MCC: variants seen among roughly 807,000 people sequenced by gnomAD.
MCC encodes MCC regulator of Wnt signaling pathway.
MCC carries 90 observed loss-of-function variants against 116.2 expected under a neutral mutation model. The ratio of observed to expected loss-of-function variants is 0.77; its 90% CI spans 0.65 to 0.92. The LOEUF is 0.92. Ranked by LOEUF, MCC falls within the 40% of genes least tolerant of loss-of-function variation. The pLI, the probability that MCC is intolerant of heterozygous loss-of-function variation, is 0.00. For synonymous variants in MCC, 578 were observed against 510.5 expected (o/e 1.13, Z -1.78); for missense variants, 1,516 against 1,312.2 (o/e 1.16, Z -2.40).
chr5:113,471,856 G>C lies in MCC; in HGVS notation c.170+16389C>G, dbSNP rs1223100550. On this transcript the variant is annotated intron_variant, in intron 1 of 18. Coordinates refer to ENST00000408903, the MANE Select transcript of MCC (RefSeq NM_001085377.2). ...TTTTCCTAATCAAACAACTAACTCA[G>C]TAATGGCGGGCGCCCCTCCCCCAGC... Among the ~76,000 whole-genome samples, 8 of 152,150 alleles carry C rather than the reference G, an allele frequency of 5.3e-5. No individual in the cohort carries two copies. In the East Asian group the frequency reaches 1.2e-3, roughly 22 times the overall value.
intron 3 of MCC, among the ~76,000 whole-genome samples, chr5:113,178,325 C>A (rs1009155718): frequency 1.3e-5 from 2 of 152,116 alleles, no homozygotes; most frequent in Non-Finnish European, 2.9e-5. Flanking sequence ...AGCAAGGTGG[C>A]TAGGGGTCAG....
intron 5 of MCC, among the ~76,000 whole-genome samples, chr5:113,127,586 A>G (rs535685462): frequency 6.6e-6 from 1 of 152,038 alleles, no homozygotes; most frequent in East Asian, 1.9e-4. Context: ...TTTGATTTCC[A>G]TTTCTCTAAT....
intron 1 of MCC, among the ~76,000 whole-genome samples, chr5:113,459,586 C>T (rs967095746): frequency 6.6e-6 from 1 of 151,966 alleles, no homozygotes; most frequent in Admixed American, 6.6e-5. Context: ...CTTATTTTGC[C>T]TCTGAACACT....
chr5:113,040,066 C>G (rs1751595769), intron 17 of MCC, among the ~76,000 whole-genome samples: 1 of 150,188 alleles, frequency 6.7e-6, no homozygotes, highest in Non-Finnish European at 1.5e-5. Flanking sequence ...AGACTGGAAA[C>G]CTGGTCATCC....
chr5:113,417,177 C>T (rs1176958425), intron 1 of MCC, among the ~76,000 whole-genome samples: 4 of 152,016 alleles, frequency 2.6e-5, no homozygotes, highest in African/African-American at 7.2e-5. Flanking sequence ...ACCATGTTGG[C>T]CAGGATAGTC....
rs976343660 is a variant in MCC, at chr5:113,057,909, A to T, written c.2214-3950T>A. Among the ~76,000 whole-genome samples the T allele has an allele frequency of 2.6e-5, 4 of 152,364 alleles. No individual in the cohort carries two copies. The South Asian group carries it at 8.3e-4, about 32-fold the overall frequency. Reference sequence around the variant, plus strand: ...GGGTGGAGATGTGCTCACAGCCTCGACATGTTTAGACAGCGTGGCGCTGGC... The same window carrying T: ...GGGTGGAGATGTGCTCACAGCCTCGTCATGTTTAGACAGCGTGGCGCTGGC... On this transcript the variant is annotated intron_variant, in intron 14 of 18. Transcript: ENST00000408903.
intron 1 of MCC, among the ~76,000 whole-genome samples, chr5:113,443,949 A>G (rs983377329): frequency 6.6e-6 from 1 of 151,364 alleles, no homozygotes; most frequent in Non-Finnish European, 1.5e-5. Context: ...CAGCCTCCCA[A>G]GTAGCTGGGA....
intron 2 of MCC, among the ~76,000 whole-genome samples, chr5:113,342,627 G>T (rs1484030120): frequency 6.6e-6 from 1 of 152,230 alleles, no homozygotes; most frequent in Non-Finnish European, 1.5e-5. Flanking sequence ...GGAGGAGAAA[G>T]CCTGATGCTT....
intron 2 of MCC, among the ~76,000 whole-genome samples, chr5:113,372,392 C>G (rs1233121787): frequency 6.6e-6 from 1 of 152,186 alleles, no homozygotes; most frequent in African/African-American, 2.4e-5. Context: ...CACCACAAAA[C>G]AACATACTGA....
At position 113,471,921 on chromosome 5, in the gene MCC, TAGC is replaced by T. The variant is rs370897379; in HGVS notation, c.170+16321_170+16323del. Among the ~76,000 whole-genome samples, 1,294 of 152,074 alleles carry T rather than the reference TAGC, an allele frequency of 8.5e-3. 6 individuals carry two copies. Among genetic ancestry groups the T allele is most frequent in the Non-Finnish European group, 0.013 (867 of 67,978 alleles). On this transcript the variant is annotated intron_variant, in intron 1 of 18. Coordinates refer to ENST00000408903, the MANE Select transcript of MCC (RefSeq NM_001085377.2). ...GCAGTTTGATCTCAGACTGCTGTGG[TAGC>T]AATGAGTGAGACTCCGTGGGCGTGG... is the stretch of plus-strand genomic sequence containing the variant.
intron 3 of MCC, among the ~76,000 whole-genome samples, chr5:113,272,440 T>C (rs1460825457): frequency 1.3e-5 from 2 of 152,356 alleles, no homozygotes; most frequent in South Asian, 2.1e-4. Flanking sequence ...TCTCTTTCCC[T>C]GACAGATCTA....
At chr5:113,259,045 G>A (rs1053764775) in intron 3 of MCC, among the ~76,000 whole-genome samples, 2 of 152,124 alleles carry the variant, frequency 1.3e-5, no homozygotes, top group Non-Finnish European at 2.9e-5. Context: ...GTGTAAAAAT[G>A]TTAAAAGGTG....
At chr5:113,487,744 G>C (rs1215717406) in intron 1 of MCC, among the ~76,000 whole-genome samples, 1 of 152,230 alleles carries the variant, frequency 6.6e-6, no homozygotes, top group Non-Finnish European at 1.5e-5. Context: ...CATGGGTTCT[G>C]CGGCACAAGA....
chr5:113,075,203 C>T (rs747483408), intron 11 of MCC, among the ~76,000 whole-genome samples: 5 of 152,212 alleles, frequency 3.3e-5, no homozygotes, highest in Non-Finnish European at 5.9e-5. Context: ...GAGGGTGCAC[C>T]GGGTACCACA....
At chr5:113,171,569 G>A (rs7710676) in intron 3 of MCC, among the ~76,000 whole-genome samples, 15,479 of 151,972 alleles carry the variant, frequency 0.1, 893 homozygotes, top group African/African-American at 0.14. Context: ...TGCCCAGGCT[G>A]GTCTTGAACT....
rs150489353 is a variant in MCC at position 113,036,982 on chromosome 5, C to G, written c.2756+6548G>C. 5.3e-5 allele frequency among the ~76,000 whole-genome samples: 8 copies of G among 152,338 alleles called. No individual in the cohort carries two copies. The East Asian group carries it at 1.5e-3, about 29-fold the overall frequency. On this transcript the variant is annotated intron_variant, in intron 17 of 18. Coordinates refer to ENST00000408903, the MANE Select transcript of MCC (RefSeq NM_001085377.2). ...ATGTGCTTTTATGGAATTCTAAGCA[C>G]AACTTCCATTGCTTGATTGCTTTTA... is the stretch of plus-strand genomic sequence containing the variant.
At chr5:113,452,765 T>G (rs1012096361) in intron 1 of MCC, among the ~76,000 whole-genome samples, 2 of 152,242 alleles carry the variant, frequency 1.3e-5, no homozygotes, top group Non-Finnish European at 2.9e-5. Flanking sequence ...TTCTTTAATG[T>G]TCAAGTCTAA....
chr5:113,395,289 A>G (rs984126932), intron 1 of MCC, among the ~76,000 whole-genome samples: 3 of 152,310 alleles, frequency 2.0e-5, no homozygotes, highest in Non-Finnish European at 4.4e-5. Flanking sequence ...AAACAAGTTG[A>G]TATCATTAGG....
intron 1 of MCC, among the ~76,000 whole-genome samples, chr5:113,439,973 C>G (rs1770985956): frequency 6.6e-6 from 1 of 152,118 alleles, no homozygotes; most frequent in South Asian, 2.1e-4. Flanking sequence ...CAAGACCTCA[C>G]TGTAGCCTCA....
Sources: allele counts gnomAD v4.1 joint callset (sites outside exome capture counted in the v4.1 genomes callset), GRCh38; gene constraint gnomAD v4.1.1; transcripts MANE v1.5; gene names NCBI Gene and HGNC (gene_info 2026-07-23, HGNC 2026-07-21).